Variants in NCKAP5 observed in about 807,000 individuals in gnomAD.
NCKAP5 encodes the protein NCK associated protein 5, also known as nck-associated protein 5.
In NCKAP5, 92 loss-of-function variants were observed where a neutral mutation model predicts 167.0. That is an observed-to-expected ratio of 0.55 (90% confidence interval 0.47 to 0.66). NCKAP5 has a LOEUF of 0.66. Ranked by LOEUF, NCKAP5 falls within the 30% of genes least tolerant of loss-of-function variation. NCKAP5 has a pLI of 0.00. For synonymous variants in NCKAP5, 891 were observed against 877.4 expected (o/e 1.02, Z -0.27); for missense variants, 2,378 against 2,315.0 (o/e 1.03, Z -0.56).
chr2:133,444,222 G>A (rs1486146495), intron 3 of NCKAP5, among the ~76,000 whole-genome samples: 1 of 152,026 alleles, frequency 6.6e-6, no homozygotes, highest in Non-Finnish European at 1.5e-5. Flanking sequence ...CTCAAGTTTT[G>A]GTACCATGGT....
intron 16 of NCKAP5, 140 bp from the exon 17 acceptor site, chr2:132,732,191 G>T: frequency 1.3e-6 from 1 of 787,440 alleles, no homozygotes; most frequent in Non-Finnish European, 1.9e-6. Context: ...ATGTCACAAG[G>T]ACAGAAAACC....
chr2:133,486,125 A>G (rs923738250), intron 3 of NCKAP5, among the ~76,000 whole-genome samples: 3 of 152,204 alleles, frequency 2.0e-5, no homozygotes, highest in Non-Finnish European at 2.9e-5. Context: ...AATATATTAC[A>G]TGGAGGAGAA....
chr2:133,554,271 T>C (rs996628649), intron 2 of NCKAP5: 1 of 152,190 alleles, frequency 6.6e-6, no homozygotes, highest in African/African-American at 2.4e-5. Context: ...ACAATTGCCA[T>C]ATAATGCAGT....
intron 8 of NCKAP5, among the ~76,000 whole-genome samples, chr2:132,891,949 A>T (rs1230845707): frequency 2.0e-5 from 3 of 152,246 alleles, no homozygotes; most frequent in African/African-American, 7.2e-5. Flanking sequence ...TGAAGGCAGA[A>T]TGTAACGAAC....
chr2:133,273,809 T>C (rs1218191251), intron 4 of NCKAP5, among the ~76,000 whole-genome samples: 1 of 151,622 alleles, frequency 6.6e-6, no homozygotes, highest in East Asian at 1.9e-4. Context: ...AAAAAAAATT[T>C]GGGGGAAGAT....
chr2:133,146,037 C>T lies in NCKAP5; in HGVS notation c.208-15926G>A, dbSNP rs575849127. On this transcript the variant is annotated intron_variant, in intron 5 of 19. Transcript: ENST00000409261. Reference sequence around the variant, plus strand: ...TTATTGTTTCTGCAACCATACTGCTCATGTTCATATTTACATCTTCTCTTG... The same window carrying T: ...TTATTGTTTCTGCAACCATACTGCTTATGTTCATATTTACATCTTCTCTTG... Among the ~76,000 whole-genome samples, 29 of 152,070 alleles carry T rather than the reference C, an allele frequency of 1.9e-4. No individual in the cohort carries two copies. The South Asian group carries it at 5.8e-3, about 31-fold the overall frequency.
chr2:133,092,921 G>A (rs1006463975), intron 6 of NCKAP5, among the ~76,000 whole-genome samples: 1 of 152,206 alleles, frequency 6.6e-6, no homozygotes, highest in African/African-American at 2.4e-5. Context: ...AGTATAATCT[G>A]AGCAAGGCAG....
chr2:133,047,207 G>C (rs1169378671), intron 6 of NCKAP5, among the ~76,000 whole-genome samples: 1 of 151,942 alleles, frequency 6.6e-6, no homozygotes, highest in Non-Finnish European at 1.5e-5. Flanking sequence ...TTTTTTTCCA[G>C]TCCCAAGTCC....
chr2:132,936,663 C>T (rs1303730419), intron 8 of NCKAP5, among the ~76,000 whole-genome samples: 1 of 152,070 alleles, frequency 6.6e-6, no homozygotes, highest in Non-Finnish European at 1.5e-5. Context: ...AAACTGTTAT[C>T]TGAGTATTGA....
At chr2:133,503,358 C>G (rs1204161534) in intron 3 of NCKAP5, among the ~76,000 whole-genome samples, 1 of 152,190 alleles carries the variant, frequency 6.6e-6, no homozygotes, top group Non-Finnish European at 1.5e-5. Context: ...CTTTCTCAAA[C>G]AATTGCTTTT....
chr2:132,679,619 T>C (rs1303852243), intron 19 of NCKAP5, among the ~76,000 whole-genome samples: 11 of 152,074 alleles, frequency 7.2e-5, no homozygotes, highest in Non-Finnish European at 1.6e-4. Context: ...GGCAAAGAAA[T>C]AGGAAGATGG....
At chr2:132,685,429 T>G (rs1442861986) in intron 19 of NCKAP5, among the ~76,000 whole-genome samples, 1 of 152,156 alleles carries the variant, frequency 6.6e-6, no homozygotes, top group Non-Finnish European at 1.5e-5. Flanking sequence ...GCAGCATCCA[T>G]GGAGGGGCCT....
intron 8 of NCKAP5, among the ~76,000 whole-genome samples, chr2:132,883,713 G>T (rs562643646): frequency 6.6e-6 from 1 of 152,148 alleles, no homozygotes; most frequent in Non-Finnish European, 1.5e-5. Flanking sequence ...GGGCACACAC[G>T]CTGGCAGCAG....
intron 1 of NCKAP5, among the ~76,000 whole-genome samples, chr2:133,565,050 G>A (rs1688448578): frequency 6.6e-6 from 1 of 152,222 alleles, no homozygotes; most frequent in African/African-American, 2.4e-5. Context: ...TGACTGGGAT[G>A]TGAAAAGCTG....
At chr2:132,985,604 T>A (rs925052120) in intron 7 of NCKAP5, among the ~76,000 whole-genome samples, 28 of 152,238 alleles carry the variant, frequency 1.8e-4, no homozygotes, top group African/African-American at 6.5e-4. Context: ...GCACACACTT[T>A]GGTTATGAGA....
At chr2:133,637,330 G>A in the NCKAP5 span, among the ~76,000 whole-genome samples, 2 of 151,298 alleles carry the variant, frequency 1.3e-5, no homozygotes, top group African/African-American at 4.9e-5. Context: ...AAATGCAAAG[G>A]AACAAACACC....
intron 6 of NCKAP5, among the ~76,000 whole-genome samples, chr2:133,091,663 A>T (rs1279786165): frequency 6.6e-6 from 1 of 152,156 alleles, no homozygotes; most frequent in Non-Finnish European, 1.5e-5. Flanking sequence ...CGAGGTGGGC[A>T]GACCACGAGG....
At chr2:132,889,208 A>C (rs2148859861) in intron 8 of NCKAP5, among the ~76,000 whole-genome samples, 1 of 152,330 alleles carries the variant, frequency 6.6e-6, no homozygotes, top group South Asian at 2.1e-4. Flanking sequence ...AACATCACAT[A>C]GATTGGAGAT....
intron 19 of NCKAP5, among the ~76,000 whole-genome samples, chr2:132,707,500 G>T (rs888007891): frequency 1.3e-5 from 2 of 152,208 alleles, no homozygotes; most frequent in African/African-American, 4.8e-5. Flanking sequence ...GACTGTAGGG[G>T]CATGTGAGCT....
Sources: gnomAD v4.1 joint callset for allele counts (sites outside exome capture counted in the v4.1 genomes callset) on GRCh38, gnomAD v4.1.1 for gene constraint, MANE v1.5 for transcripts, NCBI Gene and HGNC (gene_info 2026-07-23, HGNC 2026-07-21) for gene names.